OPCML: variants seen among roughly 807,000 people sequenced by gnomAD.
The protein encoded by OPCML is opioid binding protein/cell adhesion molecule like.
OPCML carries 13 observed loss-of-function variants against 37.8 expected under a neutral mutation model. The observed-to-expected ratio is 0.34, with a 90% CI of 0.22 to 0.55. The LOEUF is 0.55. Among genes scored for constraint, OPCML ranks in the 20% least tolerant of loss-of-function variants. The pLI, the probability that OPCML is intolerant of heterozygous loss-of-function variation, is 0.91. For missense variants in OPCML, 341 were observed against 435.6 expected (o/e 0.78, Z 1.93); for synonymous variants, 176 against 168.8 (o/e 1.04, Z -0.33).
At position 133,223,282 on chromosome 11, in the gene OPCML, C is replaced by G. The variant is rs2136368803; in HGVS notation, c.62-280272G>C. Among the ~76,000 whole-genome samples the G allele has an allele frequency of 1.3e-5, 2 of 152,322 alleles. 1 individual carries two copies. On this transcript the variant is annotated intron_variant, in intron 1 of 7. Transcript: ENST00000524381. The stretch of plus-strand genomic sequence containing the variant: ...CTTTGCACAGAAAAGTCCTTTACAA[C>G]CAGTTCTGGGTACTAATGAGGAGCA...
intron 2 of OPCML, among the ~76,000 whole-genome samples, chr11:132,937,530 G>A (rs563793694): frequency 2.0e-5 from 3 of 150,676 alleles, no homozygotes; most frequent in Non-Finnish European, 4.4e-5. Context: ...GGTGTGTGGT[G>A]TGTGTGGTGT....
In OPCML at chr11:133,204,058, CAAAAAAAAAAAAAAAA is replaced by C. The variant is rs58343203; in HGVS notation, c.62-261064_62-261049del. 3.5e-4 allele frequency among the ~76,000 whole-genome samples: 23 copies of C among 66,496 alleles called. No homozygotes were observed. The South Asian group carries it at 3.6e-3, about 10-fold the overall frequency. 43.6% of individuals were successfully genotyped at this position (66,496 alleles called of 152,430 possible). On this transcript the variant is annotated intron_variant, in intron 1 of 7. Transcript: ENST00000524381. ...GGGGGGACAGAGCGAGACTCTGTCT[CAAAAAAAAAAAAAAAA>C]AAAAAAAAAAAAAATGCAAAGGACA...
intron 3 of OPCML, among the ~76,000 whole-genome samples, chr11:132,654,958 C>T (rs962267493): frequency 6.6e-6 from 1 of 152,098 alleles, no homozygotes; most frequent in East Asian, 1.9e-4. Flanking sequence ...AGATGCCATG[C>T]TGTCCTTAGA....
At chr11:133,351,746 C>A (rs1353154511) in intron 1 of OPCML, among the ~76,000 whole-genome samples, 2 of 152,082 alleles carry the variant, frequency 1.3e-5, no homozygotes, top group African/African-American at 4.8e-5. Flanking sequence ...ACACTTGAAT[C>A]CAACAGGCTT....
chr11:132,652,735 C>A (rs942220075), intron 3 of OPCML, among the ~76,000 whole-genome samples: 2 of 152,210 alleles, frequency 1.3e-5, no homozygotes, highest in African/African-American at 2.4e-5. Context: ...TAGCTTGTCA[C>A]ATCGAGGACC....
intron 1 of OPCML, among the ~76,000 whole-genome samples, chr11:133,387,138 G>A (rs1350559948): frequency 1.3e-5 from 2 of 152,130 alleles, no homozygotes; most frequent in Admixed American, 6.5e-5. Context: ...CCTAACAAAG[G>A]ACTATTTTTG....
intron 4 of OPCML, among the ~76,000 whole-genome samples, chr11:132,514,034 A>T (rs1242782293): frequency 6.6e-6 from 1 of 152,216 alleles, no homozygotes; most frequent in Non-Finnish European, 1.5e-5. Context: ...GATGCAATAC[A>T]TTTAGCCAAA....
intron 1 of OPCML, among the ~76,000 whole-genome samples, chr11:133,107,742 G>T (rs1418645977): frequency 1.3e-5 from 2 of 152,164 alleles, no homozygotes; most frequent in Admixed American, 1.3e-4. Context: ...GTGCTTTCAT[G>T]AAAAGATACT....
At chr11:132,874,430 CTTCT>C (rs1942934591) in intron 2 of OPCML, among the ~76,000 whole-genome samples, 2 of 136,728 alleles carry the variant, frequency 1.5e-5, no homozygotes, top group Admixed American at 7.4e-5. Context: ...CCCTTCCTTC[CTTCT>C]TCCTTCCTTC....
chr11:133,071,761 C>A (rs1948541099), intron 1 of OPCML, among the ~76,000 whole-genome samples: 1 of 152,208 alleles, frequency 6.6e-6, no homozygotes, highest in African/African-American at 2.4e-5. Context: ...GTGTCTTCTC[C>A]AAAAACAAAC....
intron 1 of OPCML, among the ~76,000 whole-genome samples, chr11:133,412,961 T>A (rs1406109472): frequency 6.6e-6 from 1 of 152,184 alleles, no homozygotes; most frequent in African/African-American, 2.4e-5. Context: ...CCACAAGTCT[T>A]CTTTGGGAGG....
At chr11:133,243,519 C>T (rs568198156) in intron 1 of OPCML, among the ~76,000 whole-genome samples, 15 of 152,118 alleles carry the variant, frequency 9.9e-5, no homozygotes, top group South Asian at 2.1e-4. Flanking sequence ...GGTGAGAAGG[C>T]GCTGCAGAGG....
At chr11:132,472,169 C>T (rs1210397234) in intron 4 of OPCML, among the ~76,000 whole-genome samples, 1 of 152,206 alleles carries the variant, frequency 6.6e-6, no homozygotes, top group African/African-American at 2.4e-5. Flanking sequence ...TTTTTAAATA[C>T]TTCTCTGCAC....
chr11:132,754,103 C>A (rs1281311992), intron 2 of OPCML, among the ~76,000 whole-genome samples: 1 of 152,208 alleles, frequency 6.6e-6, no homozygotes, highest in Non-Finnish European at 1.5e-5. Context: ...CAGGGTGCAG[C>A]TGCAGGGCAC....
chr11:133,301,905 C>T (rs941652991), intron 1 of OPCML: 3 of 152,058 alleles, frequency 2.0e-5, no homozygotes, highest in Non-Finnish European at 4.4e-5. Context: ...ATTACAAATA[C>T]CCATGAATGT....
intron 1 of OPCML, among the ~76,000 whole-genome samples, chr11:133,226,097 C>G (rs542551069): frequency 6.6e-6 from 1 of 152,324 alleles, no homozygotes; most frequent in African/African-American, 2.4e-5. Flanking sequence ...CTGCAGAGCC[C>G]TCTATGAGTG....
At chr11:132,664,133 A>G (rs1942119920) in intron 2 of OPCML, among the ~76,000 whole-genome samples, 1 of 152,208 alleles carries the variant, frequency 6.6e-6, no homozygotes, top group Non-Finnish European at 1.5e-5. Flanking sequence ...TGTTCCATTA[A>G]GTTAATGTTC....
In OPCML at chr11:133,390,832, A is replaced by C. The variant is rs375917478; in HGVS notation, c.61+141432T>G. On this transcript the variant is annotated intron_variant, in intron 1 of 7. Coordinates refer to ENST00000524381, the MANE Select transcript of OPCML (RefSeq NM_001012393.5). ...GTACTTCCTGTGAGTAAGTCAATGG[A>C]AGAAAAAGCTTTTCCAACTATAGGC... Among the ~76,000 whole-genome samples the C allele has an allele frequency of 4.6e-5, 7 of 152,326 alleles. No homozygotes were observed. The East Asian group carries it at 9.7e-4, about 21-fold the overall frequency.
At chr11:133,236,300 T>C (rs1940513477) in intron 1 of OPCML, among the ~76,000 whole-genome samples, 1 of 152,152 alleles carries the variant, frequency 6.6e-6, no homozygotes, top group South Asian at 2.1e-4. Flanking sequence ...TGTCTGGGGT[T>C]AGATGGCACA....
Sources: gnomAD v4.1 joint callset for allele counts (sites outside exome capture counted in the v4.1 genomes callset) on GRCh38, gnomAD v4.1.1 for gene constraint, MANE v1.5 for transcripts, NCBI Gene and HGNC (gene_info 2026-07-23, HGNC 2026-07-21) for gene names.